DGKI: variants seen among roughly 807,000 people sequenced by gnomAD.
The protein encoded by DGKI is DAG kinase iota.
DGKI carries 55 observed loss-of-function variants against 147.5 expected under a neutral mutation model. The ratio of observed to expected loss-of-function variants is 0.37; its 90% confidence interval spans 0.30 to 0.47. DGKI has a LOEUF of 0.47. Among genes scored for constraint, DGKI ranks in the 20% least tolerant of loss-of-function variants. DGKI has a pLI of 1.00. For synonymous variants in DGKI, 469 were observed against 477.1 expected, an observed-to-expected ratio of 0.98 and a Z score of 0.22; for missense variants, 1,007 against 1,323.8, an observed-to-expected ratio of 0.76 and a Z score of 3.71.
At chr7:137,404,211 A>C (rs964819079) in intron 30 of DGKI, among the ~76,000 whole-genome samples, 1 of 151,966 alleles carries the variant, frequency 6.6e-6, no homozygotes, top group Non-Finnish European at 1.5e-5. Context: ...TAAAATGCAA[A>C]GGTTAATATA....
chr7:137,677,426 C>T lies in DGKI; in HGVS notation c.606+1131G>A, dbSNP rs1823073475. 2.0e-5 allele frequency among the ~76,000 whole-genome samples: 3 copies of T among 152,192 alleles called. No individual in the cohort carries two copies. In the South Asian group the frequency reaches 6.2e-4, roughly 31 times the overall value. On this transcript the variant is annotated intron_variant, in intron 3 of 32. Transcript: ENST00000614521. Reference sequence around the variant, plus strand: ...CCTGTTCATCTGGGTCTTTCCCTGACATTGATTCCCAACTTCACTTAAACA... The same window carrying T: ...CCTGTTCATCTGGGTCTTTCCCTGATATTGATTCCCAACTTCACTTAAACA...
chr7:137,833,723 G>A (rs1283386642), intron 1 of DGKI, among the ~76,000 whole-genome samples: 1 of 152,192 alleles, frequency 6.6e-6, no homozygotes, highest in African/African-American at 2.4e-5. Context: ...GGTCGTCCAA[G>A]CTCAAGTCAT....
chr7:137,603,271 A>G (rs937296790), intron 10 of DGKI, among the ~76,000 whole-genome samples: 1 of 152,202 alleles, frequency 6.6e-6, no homozygotes, highest in African/African-American at 2.4e-5. Context: ...GTCGGTTCAA[A>G]TAGCTCATCA....
intron 20 of DGKI, among the ~76,000 whole-genome samples, chr7:137,538,606 T>C (rs1230582970): frequency 6.6e-6 from 1 of 152,096 alleles, no homozygotes; most frequent in African/African-American, 2.4e-5. Flanking sequence ...CTCTGCAGAG[T>C]TGTTTTGCTG....
chr7:137,425,043 TC>T (rs141593531), intron 28 of DGKI, among the ~76,000 whole-genome samples: 152,308 of 152,308 alleles, frequency 1, 76,154 homozygotes, highest in Non-Finnish European at 1. Flanking sequence ...GCAGTGGTTC[TC>T]CCCAGCATGC....
chr7:137,655,814 A>C (rs1158366665), intron 4 of DGKI, among the ~76,000 whole-genome samples: 1 of 152,234 alleles, frequency 6.6e-6, no homozygotes, highest in Admixed American at 6.5e-5. Context: ...AGAAACACAC[A>C]CATTAAAATG....
chr7:137,685,800 C>G (rs902064592), intron 2 of DGKI, among the ~76,000 whole-genome samples: 7 of 152,134 alleles, frequency 4.6e-5, no homozygotes, highest in African/African-American at 1.7e-4. Context: ...AAATCTAACA[C>G]AATGCATTGA....
In DGKI at chr7:137,387,785, T is replaced by TA. The variant is rs918077654; in HGVS notation, c.*3434dup. 6.6e-6 allele frequency: 1 copy of TA among 151,928 alleles called. No homozygotes were observed. Among genetic ancestry groups the TA allele is most frequent in the Middle Eastern group, 3.2e-3 (1 of 316 alleles). The allele number at this position is 151,928 out of a possible 1,614,324, so 9.4% of individuals were successfully genotyped here. A position where few individuals can be genotyped will look rare whatever the true frequency, so the allele number is the denominator to read the frequency against. On this transcript the variant is annotated 3_prime_UTR_variant, in exon 33 of 33. Coordinates refer to ENST00000614521, the MANE Select transcript of DGKI (RefSeq NM_001321708.2). ...AAAAGCATGTGCCATTTTTATAATTTAAAAAAACCCCTAAATATTATTAAT... is the reference window on the plus strand; with the variant it reads ...AAAAGCATGTGCCATTTTTATAATTTAAAAAAAACCCCTAAATATTATTAAT...
At chr7:137,792,049 TC>T (rs1796870149) in intron 1 of DGKI, among the ~76,000 whole-genome samples, 2 of 152,204 alleles carry the variant, frequency 1.3e-5, no homozygotes, top group South Asian at 4.1e-4. Context: ...AGTGTCTTTT[TC>T]CCTGAGAGCA....
intron 6 of DGKI, among the ~76,000 whole-genome samples, chr7:137,626,155 G>A (rs1450569860): frequency 6.6e-6 from 1 of 152,062 alleles, no homozygotes; most frequent in Admixed American, 6.6e-5. Context: ...ATAAACTATA[G>A]ATATTAGCAC....
In DGKI at chr7:137,381,284, T is replaced by TCC. The variant is rs1811053224; in HGVS notation, c.*9934_*9935dup. 1.3e-3 allele frequency: 3 copies of TCC among 2,378 alleles called. No homozygotes were observed. Among genetic ancestry groups the TCC allele is most frequent in the South Asian group, 0.033 (1 of 30 alleles). The allele number at this position is 2,378 out of a possible 1,614,324, so 0.1% of individuals were successfully genotyped here. On this transcript the variant is annotated 3_prime_UTR_variant, in exon 33 of 33. Transcript: ENST00000614521. ...AAAAACTTCATTCTTCCCTTTCCCA[T>TCC]CCCACCCCCCCCCCCCCACCCACCC...
intron 1 of DGKI, among the ~76,000 whole-genome samples, chr7:137,723,801 C>T (rs1261259513): frequency 6.7e-6 from 1 of 148,526 alleles, no homozygotes; most frequent in South Asian, 2.1e-4. Context: ...ACTCCGCCTC[C>T]TGGGCTCAAG....
At chr7:137,831,217 CT>C (rs1286860036) in intron 1 of DGKI, among the ~76,000 whole-genome samples, 1 of 152,192 alleles carries the variant, frequency 6.6e-6, no homozygotes, top group Non-Finnish European at 1.5e-5. Context: ...ATCAGTTAGA[CT>C]TTTTTTAAAC....
At chr7:137,569,929 T>C (rs980838509) in intron 19 of DGKI, among the ~76,000 whole-genome samples, 1 of 151,982 alleles carries the variant, frequency 6.6e-6, no homozygotes, top group Non-Finnish European at 1.5e-5. Context: ...TTTTCTACCA[T>C]GACAACTATT....
intron 1 of DGKI, among the ~76,000 whole-genome samples, chr7:137,709,630 G>A (rs1794156736): frequency 6.6e-6 from 1 of 152,012 alleles, no homozygotes; most frequent in Non-Finnish European, 1.5e-5. Context: ...GCATGTCCAA[G>A]AAGCAAATCA....
intron 19 of DGKI, among the ~76,000 whole-genome samples, chr7:137,568,839 T>C (rs1585239898): frequency 6.6e-6 from 1 of 151,922 alleles, no homozygotes; most frequent in Admixed American, 6.5e-5. Context: ...ATTGCTCCTA[T>C]ATAATTAGTG....
chr7:137,486,707 G>A (rs1815573562), intron 22 of DGKI, among the ~76,000 whole-genome samples: 3 of 152,054 alleles, frequency 2.0e-5, no homozygotes, highest in Admixed American at 1.3e-4. Context: ...AAGAGAAACA[G>A]AATCAAATAT....
intron 3 of DGKI, among the ~76,000 whole-genome samples, chr7:137,662,192 C>T (rs1822458738): frequency 6.6e-6 from 1 of 150,892 alleles, no homozygotes; most frequent in East Asian, 1.9e-4. Context: ...GAATATAGAA[C>T]ATTTTGGACA....
intron 6 of DGKI, among the ~76,000 whole-genome samples, chr7:137,628,915 T>C (rs1476490514): frequency 1.3e-5 from 2 of 152,218 alleles, no homozygotes; most frequent in Non-Finnish European, 2.9e-5. Context: ...TGACTTAAGA[T>C]AAGCTGAATT....
Sources: gnomAD v4.1 joint callset for allele counts (sites outside exome capture counted in the v4.1 genomes callset) on GRCh38, gnomAD v4.1.1 for gene constraint, MANE v1.5 for transcripts, NCBI Gene and HGNC (gene_info 2026-07-23, HGNC 2026-07-21) for gene names.